DR1: variants seen among roughly 807,000 people sequenced by gnomAD.
DR1 encodes the protein protein Dr1.
DR1 carries 7 observed loss-of-function variants against 19.9 expected under a neutral mutation model. That is an observed-to-expected ratio of 0.35 (90% CI 0.20 to 0.66). The LOEUF (loss-of-function observed/expected upper bound fraction) is 0.66, where lower values mean the gene tolerates loss of function less well. Ranked by LOEUF, DR1 falls within the 30% of genes least tolerant of loss-of-function variation. The pLI is 0.66. For synonymous variants in DR1, 76 were observed against 72.5 expected (o/e 1.05, Z -0.24); for missense variants, 98 against 203.7 (o/e 0.48, Z 3.16).
intron 1 of DR1, among the ~76,000 whole-genome samples, chr1:93,352,609 A>G (rs566071565): frequency 6.6e-6 from 1 of 152,352 alleles, no homozygotes; most frequent in Admixed American, 6.5e-5. Context: ...TGTTTTTGGC[A>G]TTCTCCCAGA....
intron 2 of DR1, chr1:93,355,872 CATTTT>C (rs1373603197): frequency 2.0e-5 from 3 of 152,138 alleles, no homozygotes; most frequent in African/African-American, 7.2e-5. Flanking sequence ...TTATCACTTT[CATTTT>C]GTTTCATTTT....
intron 2 of DR1, among the ~76,000 whole-genome samples, chr1:93,358,565 C>T (rs1345801453): frequency 1.3e-5 from 2 of 152,046 alleles, no homozygotes; most frequent in South Asian, 2.1e-4. Flanking sequence ...CTCCTCCAAG[C>T]GCAGATATAT....
Position 93,366,788 on chromosome 1 carries a change from C to T in DR1, c.*6149C>T, listed in dbSNP as rs367996401. ...AAGTCGAGGTGGGCAGATGGCTTGA[C>T]CTCAGGAGTTCGGAACCAGCCTGGG... is the stretch of plus-strand genomic sequence containing the variant. On this transcript the variant is annotated 3_prime_UTR_variant, in exon 3 of 3. Transcript: ENST00000370272. 1.3e-5 allele frequency: 2 copies of T among 152,116 alleles called. No homozygotes were observed. The highest frequency in any genetic ancestry group is 4.8e-5 in the African/African-American group (2 of 41,414). 9.4% of individuals were successfully genotyped at this position (152,116 alleles called of 1,614,324 possible). A position where few individuals can be genotyped will look rare whatever the true frequency, so the allele number is the denominator to read the frequency against.
intron 2 of DR1, among the ~76,000 whole-genome samples, chr1:93,357,889 A>G (rs1667009110): frequency 6.6e-6 from 1 of 152,118 alleles, no homozygotes; most frequent in African/African-American, 2.4e-5. Context: ...ATGTGGTACT[A>G]TAGATATAAA....
rs1557744027 is a variant in DR1, at chr1:93,346,538, C to G, written c.-108C>G. Reference sequence around the variant, plus strand: ...TTTTCTGCACCCTCTTCGCAAAGCACCCCCCGGGATCACTCTCCGAGGGCG... The same window carrying G: ...TTTTCTGCACCCTCTTCGCAAAGCAGCCCCCGGGATCACTCTCCGAGGGCG... On this transcript the variant is annotated 5_prime_UTR_variant, in exon 1 of 3. Coordinates refer to ENST00000370272, the MANE Select transcript of DR1 (RefSeq NM_001938.3). 4 of 838,416 alleles carry G rather than the reference C, an allele frequency of 4.8e-6. No homozygotes were observed. In the East Asian group the frequency reaches 9.9e-5, roughly 21 times the overall value. The allele number at this position is 838,416 out of a possible 1,614,324, so 51.9% of individuals were successfully genotyped here. A position where few individuals can be genotyped will look rare whatever the true frequency, so the allele number is the denominator to read the frequency against.
rs1411680941 is a variant in DR1 at position 93,364,677 on chromosome 1, AATG to A, written c.*4041_*4043del. The A allele has an allele frequency of 6.6e-6, 1 of 152,116 alleles. No individual in the cohort carries two copies. The highest frequency in any genetic ancestry group is 1.9e-4 in the East Asian group (1 of 5,190). The allele number at this position is 152,116 out of a possible 1,614,324, so 9.4% of individuals were successfully genotyped here. On this transcript the variant is annotated 3_prime_UTR_variant, in exon 3 of 3. Coordinates refer to ENST00000370272, the MANE Select transcript of DR1 (RefSeq NM_001938.3). ...GGTTAGGATCGGCCAGGGTGAAGAG[AATG>A]ATAACATAAGTAGCCTCCTTTCACC...
rs1667095422 is a variant in DR1, at chr1:93,364,633, C to G, written c.*3994C>G. Reference sequence around the variant, plus strand: ...CACCTCCTCTGTTTTTCACCATCCCCCAGGATATAAAGTGTCATGGTTAGG... The same window carrying G: ...CACCTCCTCTGTTTTTCACCATCCCGCAGGATATAAAGTGTCATGGTTAGG... On this transcript the variant is annotated 3_prime_UTR_variant, in exon 3 of 3. Coordinates refer to ENST00000370272, the MANE Select transcript of DR1 (RefSeq NM_001938.3). 1 of 152,044 alleles carries G rather than the reference C, an allele frequency of 6.6e-6. No homozygotes were observed. The highest frequency in any genetic ancestry group is 2.4e-5 in the African/African-American group (1 of 41,376). 9.4% of individuals were successfully genotyped at this position (152,044 alleles called of 1,614,324 possible). A position where few individuals can be genotyped will look rare whatever the true frequency, so the allele number is the denominator to read the frequency against.
chr1:93,357,150 A>G (rs1464267141), intron 2 of DR1, among the ~76,000 whole-genome samples: 1 of 152,234 alleles, frequency 6.6e-6, no homozygotes, highest in African/African-American at 2.4e-5. Context: ...GATGACAGTC[A>G]TTATTAGGGA....
At position 93,368,665 on chromosome 1, in the gene DR1, G is replaced by A. The variant is rs1457225880; in HGVS notation, c.*8026G>A. On this transcript the variant is annotated 3_prime_UTR_variant, in exon 3 of 3. Coordinates refer to ENST00000370272, the MANE Select transcript of DR1 (RefSeq NM_001938.3). ...AAACTTCTAGAATCCATGTAGTAGG[G>A]TGTAGTAGTGTGGTTAAGCTATGAA... 1 of 152,158 alleles carries A rather than the reference G, an allele frequency of 6.6e-6. No individual in the cohort carries two copies. The highest frequency in any genetic ancestry group is 1.5e-5 in the Non-Finnish European group (1 of 68,006). 9.4% of individuals were successfully genotyped at this position (152,158 alleles called of 1,614,324 possible). A position where few individuals can be genotyped will look rare whatever the true frequency, so the allele number is the denominator to read the frequency against.
intron 2 of DR1, among the ~76,000 whole-genome samples, chr1:93,358,042 G>C (rs2101639036): frequency 6.6e-6 from 1 of 152,328 alleles, no homozygotes; most frequent in South Asian, 2.1e-4. Context: ...AGGAGGCCCA[G>C]GTGGGAGAAT....
At position 93,368,979 on chromosome 1, in the gene DR1, C is replaced by T. The variant is rs1426798031; in HGVS notation, c.*8340C>T. 1 of 151,720 alleles carries T rather than the reference C, an allele frequency of 6.6e-6. No homozygotes were observed. Among genetic ancestry groups the T allele is most frequent in the African/African-American group, 2.4e-5 (1 of 41,302 alleles). The allele number at this position is 151,720 out of a possible 1,614,324, so 9.4% of individuals were successfully genotyped here. Reference sequence around the variant, plus strand: ...ATTTGGGGAAAAAACAAAAAATAACCCAACAATGAAATAGTATAAATTTTA... The same window carrying T: ...ATTTGGGGAAAAAACAAAAAATAACTCAACAATGAAATAGTATAAATTTTA... On this transcript the variant is annotated 3_prime_UTR_variant, in exon 3 of 3. Coordinates refer to ENST00000370272, the MANE Select transcript of DR1 (RefSeq NM_001938.3).
At chr1:93,350,085 A>G (rs1666897958) in intron 1 of DR1, among the ~76,000 whole-genome samples, 1 of 152,150 alleles carries the variant, frequency 6.6e-6, no homozygotes, top group Non-Finnish European at 1.5e-5. Flanking sequence ...CACATAATCA[A>G]ATGCTTTTCA....
intron 2 of DR1, among the ~76,000 whole-genome samples, chr1:93,359,761 C>G (rs1486574847): frequency 6.6e-6 from 1 of 152,028 alleles, no homozygotes; most frequent in Non-Finnish European, 1.5e-5. Context: ...TGTATGCATC[C>G]TGGTTTCTTA....
rs993333231 is a variant in DR1 at position 93,363,505 on chromosome 1, T to C, written c.*2866T>C. 6.6e-6 allele frequency: 1 copy of C among 152,222 alleles called. No individual in the cohort carries two copies. Among genetic ancestry groups the C allele is most frequent in the African/African-American group, 2.4e-5 (1 of 41,444 alleles). 9.4% of individuals were successfully genotyped at this position (152,222 alleles called of 1,614,324 possible). A position where few individuals can be genotyped will look rare whatever the true frequency, so the allele number is the denominator to read the frequency against. On this transcript the variant is annotated 3_prime_UTR_variant, in exon 3 of 3. Transcript: ENST00000370272. ...TGAGGGAGAATGTTTTCTTCCCTTT[T>C]TTGGCTTCCAGTGACGGCCTGTATT...
rs1436065694 is a variant in DR1, at chr1:93,364,013, A to C, written c.*3374A>C. The C allele has an allele frequency of 6.6e-6, 1 of 152,214 alleles. No individual in the cohort carries two copies. Among genetic ancestry groups the C allele is most frequent in the Admixed American group, 6.5e-5 (1 of 15,276 alleles). The allele number at this position is 152,214 out of a possible 1,614,324, so 9.4% of individuals were successfully genotyped here. A position where few individuals can be genotyped will look rare whatever the true frequency, so the allele number is the denominator to read the frequency against. On this transcript the variant is annotated 3_prime_UTR_variant, in exon 3 of 3. Coordinates refer to ENST00000370272, the MANE Select transcript of DR1 (RefSeq NM_001938.3). The stretch of plus-strand genomic sequence containing the variant: ...CATTTCCATTGAGTATAAACCTAAG[A>C]ATGGAATTGCCAGGTTGTAGGGTGT...
In DR1 at chr1:93,346,980, A is replaced by G. The variant is rs941323615; in HGVS notation, c.220+115A>G. On this transcript the variant is annotated intron_variant, in intron 1 of 2. Transcript: ENST00000370272. ...TCTTCCCTGGTAAGTAACTTAATGA[A>G]AAAGCCAGACTGGCATGTAGGCAGC... 1.7e-5 allele frequency: 16 copies of G among 967,230 alleles called. No homozygotes were observed. In the Middle Eastern group the frequency reaches 1.3e-3, roughly 78 times the overall value. 59.9% of individuals were successfully genotyped at this position (967,230 alleles called of 1,614,324 possible). A position where few individuals can be genotyped will look rare whatever the true frequency, so the allele number is the denominator to read the frequency against.
At chr1:93,349,502 T>A (rs1382872446) in intron 1 of DR1, among the ~76,000 whole-genome samples, 1 of 152,132 alleles carries the variant, frequency 6.6e-6, no homozygotes, top group Non-Finnish European at 1.5e-5. Context: ...CTTAGGGAAA[T>A]CTTTTAACTA....
intron 2 of DR1, among the ~76,000 whole-genome samples, chr1:93,359,906 G>T (rs904834581): frequency 2.6e-5 from 4 of 152,028 alleles, no homozygotes; most frequent in Non-Finnish European, 5.9e-5. Flanking sequence ...TTACAGAGAG[G>T]GAATGAGGGA....
intron 2 of DR1, chr1:93,355,356 GAGTGAA>G (rs1666966951): frequency 6.6e-6 from 1 of 152,190 alleles, no homozygotes; most frequent in African/African-American, 2.4e-5. Flanking sequence ...AGGCTTACAA[GAGTGAA>G]CAAGGAGACA....
Sources: gnomAD v4.1 joint callset for allele counts (sites outside exome capture counted in the v4.1 genomes callset) on GRCh38, gnomAD v4.1.1 for gene constraint, MANE v1.5 for transcripts, NCBI Gene and HGNC (gene_info 2026-07-23, HGNC 2026-07-21) for gene names.